The following PRKCE variants were observed in gnomAD, a reference collection of about 807,000 sequenced individuals.
PRKCE encodes protein kinase C epsilon type.
A neutral mutation model predicts 85.4 loss-of-function variants in PRKCE; 16 were observed. That is an observed-to-expected ratio of 0.19 (90% confidence interval 0.13 to 0.28). The LOEUF is 0.28. Among genes scored for constraint, PRKCE ranks in the 10% least tolerant of loss-of-function variants. PRKCE has a pLI of 1.00. For synonymous variants in PRKCE, 388 were observed against 371.5 expected, an observed-to-expected ratio of 1.04 and a Z score of -0.51; for missense variants, 573 against 975.2, an observed-to-expected ratio of 0.59 and a Z score of 5.49.
chr2:45,870,446 C>G (rs1253096266), intron 2 of PRKCE, among the ~76,000 whole-genome samples: 2 of 152,202 alleles, frequency 1.3e-5, no homozygotes. Flanking sequence ...TATACTCAGT[C>G]ATTGTATTTT....
intron 1 of PRKCE, chr2:45,677,855 A>T (rs994121002): frequency 3.4e-5 from 34 of 985,518 alleles, no homozygotes; most frequent in Non-Finnish European, 3.9e-5. Context: ...TCAGATGGGC[A>T]GTGAAAAAGA....
chr2:45,710,838 G>C (rs1056103179), intron 1 of PRKCE, among the ~76,000 whole-genome samples: 1 of 152,252 alleles, frequency 6.6e-6, no homozygotes, highest in Non-Finnish European at 1.5e-5. Context: ...AAGGATCGGG[G>C]TGTTTTACTG....
chr2:46,166,207 C>G lies in PRKCE; in HGVS notation c.2067+6455C>G, dbSNP rs139944653. On this transcript the variant is annotated intron_variant, in intron 14 of 14. Transcript: ENST00000306156. ...CAACTTAGCGACCTGAGGAGGAGCC[C>G]TGTTGAACAGGCAGCCCCTTCCCCT... 3.2e-3 allele frequency among the ~76,000 whole-genome samples: 485 copies of G among 152,352 alleles called. 1 individual carries two copies. The highest frequency in any genetic ancestry group is 5.4e-3 in the Non-Finnish European group (367 of 68,034).
intron 2 of PRKCE, among the ~76,000 whole-genome samples, chr2:45,908,453 C>T (rs113500889): frequency 0.016 from 2,425 of 152,264 alleles, 45 homozygotes; most frequent in Admixed American, 0.034. Flanking sequence ...CTCTCTCGCC[C>T]ATTGGACAAA....
At chr2:45,813,892 G>T (rs559931288) in intron 1 of PRKCE, among the ~76,000 whole-genome samples, 2 of 152,320 alleles carry the variant, frequency 1.3e-5, no homozygotes, top group South Asian at 4.1e-4. Context: ...TATAAATACA[G>T]CTGAGATTAG....
chr2:45,897,541 G>A (rs1456237532), intron 2 of PRKCE, among the ~76,000 whole-genome samples: 1 of 152,222 alleles, frequency 6.6e-6, no homozygotes, highest in Non-Finnish European at 1.5e-5. Context: ...AGAACAGAAT[G>A]CAATTGAGTA....
In PRKCE at chr2:45,651,739, C is replaced by G. The variant is rs965277262; in HGVS notation, c.-362C>G. The G allele has an allele frequency of 9.3e-5, 17 of 182,952 alleles. No individual in the cohort carries two copies. Among genetic ancestry groups the G allele is most frequent in the African/African-American group, 3.3e-4 (14 of 42,776 alleles). The allele number at this position is 182,952 out of a possible 1,614,324, so 11.3% of individuals were successfully genotyped here. ...GCCGGGCGCGGCGCCCGCTTTCCCGCAGTCCGGAGCCGGAGAGCCAGCGAG... is the reference window on the plus strand; with the variant it reads ...GCCGGGCGCGGCGCCCGCTTTCCCGGAGTCCGGAGCCGGAGAGCCAGCGAG... On this transcript the variant is annotated 5_prime_UTR_variant, in exon 1 of 15. Transcript: ENST00000306156.
intron 1 of PRKCE, among the ~76,000 whole-genome samples, chr2:45,842,283 C>T (rs1691416105): frequency 6.6e-6 from 1 of 152,014 alleles, no homozygotes; most frequent in African/African-American, 2.4e-5. Flanking sequence ...CCTTCCCTTC[C>T]CTCTTCCCTT....
At chr2:46,020,149 C>A (rs1706525616) in intron 10 of PRKCE, among the ~76,000 whole-genome samples, 1 of 152,042 alleles carries the variant, frequency 6.6e-6, no homozygotes, top group African/African-American at 2.4e-5. Context: ...TGTGCCCGGC[C>A]AAGCTGTTGG....
intron 12 of PRKCE, among the ~76,000 whole-genome samples, chr2:46,149,739 GTATTTATATA>G (rs1676427890): frequency 1.8e-5 from 1 of 55,212 alleles, no homozygotes; most frequent in African/African-American, 4.4e-5. Context: ...TTATATATAT[GTATTTATATA>G]TATATGTCAT....
Position 46,147,450 on chromosome 2 carries a change from T to C in PRKCE, c.1731+2219T>C, listed in dbSNP as rs1282875241. Among the ~76,000 whole-genome samples the C allele has an allele frequency of 3.9e-5, 6 of 152,250 alleles. No individual in the cohort carries two copies. In the South Asian group the frequency reaches 1.0e-3, roughly 26 times the overall value. On this transcript the variant is annotated intron_variant, in intron 12 of 14. Coordinates refer to ENST00000306156, the MANE Select transcript of PRKCE (RefSeq NM_005400.3). ...CCAACCCAAGACAGAACATTCACTT[T>C]ATAATGAACAAAATAGCCACTCAGC...
chr2:45,827,149 G>A (rs887922517), intron 1 of PRKCE, among the ~76,000 whole-genome samples: 14 of 152,138 alleles, frequency 9.2e-5, no homozygotes, highest in African/African-American at 1.7e-4. Flanking sequence ...AGTCACACCC[G>A]TCTGCTTCAA....
chr2:45,902,805 G>C (rs1225591855), intron 2 of PRKCE, among the ~76,000 whole-genome samples: 1 of 152,226 alleles, frequency 6.6e-6, no homozygotes, highest in African/African-American at 2.4e-5. Context: ...AGTGTTCTCT[G>C]TAGGGTTAAT....
intron 1 of PRKCE, among the ~76,000 whole-genome samples, chr2:45,729,014 C>T (rs942490701): frequency 2.6e-5 from 4 of 152,096 alleles, no homozygotes; most frequent in Non-Finnish European, 5.9e-5. Context: ...CCCTCACTTC[C>T]CATCGTCTTT....
intron 2 of PRKCE, among the ~76,000 whole-genome samples, chr2:45,973,966 T>C (rs1702271168): frequency 2.0e-5 from 3 of 152,222 alleles, no homozygotes; most frequent in African/African-American, 7.2e-5. Context: ...GGGCTTACTG[T>C]TCAAATGTAT....
intron 12 of PRKCE, among the ~76,000 whole-genome samples, chr2:46,147,702 C>T (rs1676214829): frequency 6.6e-6 from 1 of 152,172 alleles, no homozygotes; most frequent in South Asian, 2.1e-4. Context: ...TGAGATTATG[C>T]CTCTAAAGCA....
At chr2:45,812,804 G>T (rs543690272) in intron 1 of PRKCE, among the ~76,000 whole-genome samples, 187 of 152,200 alleles carry the variant, frequency 1.2e-3, no homozygotes, top group Non-Finnish European at 1.7e-3. Context: ...AGAATTGATA[G>T]CATTGTTCTC....
intron 1 of PRKCE, among the ~76,000 whole-genome samples, chr2:45,767,490 A>G (rs961859938): frequency 6.6e-6 from 1 of 152,196 alleles, no homozygotes; most frequent in Admixed American, 6.5e-5. Context: ...AGGGTATGTA[A>G]TCAACCATGT....
chr2:45,765,886 A>G (rs1684873372), intron 1 of PRKCE, among the ~76,000 whole-genome samples: 1 of 152,154 alleles, frequency 6.6e-6, no homozygotes, highest in African/African-American at 2.4e-5. Context: ...CTTCCAATCA[A>G]GAGAAAAGCC....
Sources: allele counts gnomAD v4.1 joint callset (sites outside exome capture counted in the v4.1 genomes callset), GRCh38; gene constraint gnomAD v4.1.1; transcripts MANE v1.5; gene names NCBI Gene and HGNC (gene_info 2026-07-23, HGNC 2026-07-21).